The following MTHFD2L variants were observed in gnomAD, a reference collection of about 807,000 sequenced individuals.
The protein encoded by MTHFD2L is bifunctional methylenetetrahydrofolate dehydrogenase/cyclohydrolase 2, mitochondrial.
MTHFD2L carries 29 observed loss-of-function variants against 34.9 expected under a neutral mutation model. The observed-to-expected ratio is 0.83, with a 90% CI of 0.62 to 1.13. The LOEUF (loss-of-function observed/expected upper bound fraction) is 1.13. MTHFD2L is among the 50% of genes most tolerant of loss of function. The pLI, the probability that MTHFD2L is intolerant of heterozygous loss-of-function variation, is 0.00. For synonymous variants in MTHFD2L, 167 were observed against 155.7 expected, an observed-to-expected ratio of 1.07 and a Z score of -0.54; for missense variants, 481 against 446.5, an observed-to-expected ratio of 1.08 and a Z score of -0.70.
At chr4:74,175,509 A>G in intron 3 of MTHFD2L, 106 bp downstream of exon 3, 1 of 1,217,494 alleles carries the variant, frequency 8.2e-7, no homozygotes, top group Non-Finnish European at 1.2e-6. Flanking sequence ...ATACATTCAG[A>G]AGGAGACTAG....
At chr4:74,142,034 G>A (rs935455300) in intron 1 of MTHFD2L, among the ~76,000 whole-genome samples, 10 of 152,200 alleles carry the variant, frequency 6.6e-5, no homozygotes, top group African/African-American at 2.4e-4. Flanking sequence ...ATTCAGGTAT[G>A]TCTAAAATTC....
At chr4:74,210,076 A>T (rs1430880074) in intron 5 of MTHFD2L, among the ~76,000 whole-genome samples, 2 of 152,124 alleles carry the variant, frequency 1.3e-5, no homozygotes, top group Non-Finnish European at 2.9e-5. Context: ...AGTTTCTTGT[A>T]GATTCCAGAT....
chr4:74,122,430 G>A (rs1389623200), upstream of MTHFD2L, among the ~76,000 whole-genome samples: 1 of 152,154 alleles, frequency 6.6e-6, no homozygotes, highest in Non-Finnish European at 1.5e-5. Context: ...ACTGTCATGA[G>A]AAGAGCAAGG....
intron 6 of MTHFD2L, among the ~76,000 whole-genome samples, chr4:74,248,224 A>G (rs926808709): frequency 1.3e-5 from 2 of 152,092 alleles, no homozygotes; most frequent in Admixed American, 1.3e-4. Flanking sequence ...TGTATGTGTC[A>G]AGGAATTTAT....
chr4:74,205,600 C>T (rs1371969123), intron 5 of MTHFD2L, among the ~76,000 whole-genome samples: 1 of 151,344 alleles, frequency 6.6e-6, no homozygotes, highest in Non-Finnish European at 1.5e-5. Flanking sequence ...TTTTTAATTC[C>T]CCAAGGGCTT....
upstream of MTHFD2L, among the ~76,000 whole-genome samples, chr4:74,122,513 T>C (rs537780214): frequency 3.3e-5 from 5 of 152,274 alleles, 1 homozygote; most frequent in South Asian, 1.0e-3. Context: ...ACAATTCAAC[T>C]TGGGATTTGG....
intron 7 of MTHFD2L, among the ~76,000 whole-genome samples, chr4:74,289,747 G>GGTTAAACAAGTAGA (rs1748646695): frequency 6.6e-6 from 1 of 152,098 alleles, no homozygotes; most frequent in African/African-American, 2.4e-5. Flanking sequence ...TTAAAGGAGA[G>GGTTAAACAAGTAGA]TTGGAATGAT....
intron 1 of MTHFD2L, among the ~76,000 whole-genome samples, chr4:74,138,789 T>C (rs1305854004): frequency 6.6e-6 from 1 of 152,116 alleles, no homozygotes; most frequent in Non-Finnish European, 1.5e-5. Context: ...AGAGCTCCCA[T>C]ACAATGGGAG....
At chr4:74,189,485 C>CCTTTTTTTTTTTTT (rs1168720652) in intron 3 of MTHFD2L, among the ~76,000 whole-genome samples, 13 of 119,790 alleles carry the variant, frequency 1.1e-4, no homozygotes, top group African/African-American at 2.8e-4. Flanking sequence ...GTTTTTCTTC[C>CCTTTTTTTTTTTTT]TTTTTTTTTT....
chr4:74,156,429 T>G (rs1724261595), upstream of MTHFD2L: 1 of 152,202 alleles, frequency 6.6e-6, no homozygotes, highest in South Asian at 2.1e-4. Context: ...TCCTTTTCAC[T>G]GATGAATAAT....
intron 5 of MTHFD2L, among the ~76,000 whole-genome samples, chr4:74,218,621 C>A (rs553542174): frequency 6.6e-6 from 1 of 151,688 alleles, no homozygotes; most frequent in African/African-American, 2.4e-5. Flanking sequence ...CAAGCCCCCC[C>A]CCCACCACCA....
intron 5 of MTHFD2L, among the ~76,000 whole-genome samples, chr4:74,203,726 A>G (rs1734834629): frequency 6.6e-6 from 1 of 152,164 alleles, no homozygotes; most frequent in Non-Finnish European, 1.5e-5. Flanking sequence ...AAGTGCTCCC[A>G]TGATCCAGTT....
At chr4:74,239,132 A>T (rs927329401) in intron 6 of MTHFD2L, among the ~76,000 whole-genome samples, 2 of 152,230 alleles carry the variant, frequency 1.3e-5, no homozygotes, top group Non-Finnish European at 2.9e-5. Context: ...TGGCACATAT[A>T]CACCATGGAA....
intron 7 of MTHFD2L, among the ~76,000 whole-genome samples, chr4:74,291,177 C>G (rs1229559680): frequency 6.6e-6 from 1 of 151,288 alleles, no homozygotes; most frequent in Admixed American, 6.6e-5. Context: ...GTGCCACACC[C>G]AGGTAATTTT....
chr4:74,220,258 A>G (rs1187623845), intron 5 of MTHFD2L, among the ~76,000 whole-genome samples: 1 of 151,970 alleles, frequency 6.6e-6, no homozygotes, highest in Admixed American at 6.6e-5. Flanking sequence ...TTATAAATAT[A>G]TACTCAACAT....
chr4:74,263,057 T>C lies in MTHFD2L; in HGVS notation c.806-18368T>C, dbSNP rs547364291. On this transcript the variant is annotated intron_variant, in intron 6 of 7. Transcript: ENST00000325278. ...TTTCTGTATGTCAGTTACACCTTAG[T>C]AGTTTCAAAATTTTAATCCAAATGT... is the stretch of plus-strand genomic sequence containing the variant. Among the ~76,000 whole-genome samples, 5 of 151,962 alleles carry C rather than the reference T, an allele frequency of 3.3e-5. No individual in the cohort carries two copies. The South Asian group carries it at 1.0e-3, about 31-fold the overall frequency.
chr4:74,120,536 G>C (rs1035015319), upstream of MTHFD2L, among the ~76,000 whole-genome samples: 2 of 152,144 alleles, frequency 1.3e-5, no homozygotes, highest in Non-Finnish European at 2.9e-5. Flanking sequence ...CAGCTTTCTG[G>C]TTTCACTACT....
intron 1 of MTHFD2L, among the ~76,000 whole-genome samples, chr4:74,146,419 T>C (rs1723598093): frequency 6.6e-6 from 1 of 152,228 alleles, no homozygotes; most frequent in African/African-American, 2.4e-5. Flanking sequence ...AGTTTAATAC[T>C]GTTATGCACA....
chr4:74,277,564 C>T (rs1207802986), intron 6 of MTHFD2L, among the ~76,000 whole-genome samples: 1 of 152,028 alleles, frequency 6.6e-6, no homozygotes, highest in East Asian at 1.9e-4. Flanking sequence ...AGTTCAATCC[C>T]TTCTTTATTT....
Sources: gnomAD v4.1 joint callset for allele counts (sites outside exome capture counted in the v4.1 genomes callset) on GRCh38, gnomAD v4.1.1 for gene constraint, MANE v1.5 for transcripts, NCBI Gene and HGNC (gene_info 2026-07-23, HGNC 2026-07-21) for gene names.